The following TMED6 variants were observed in gnomAD, a reference collection of about 807,000 sequenced individuals.
TMED6 encodes the protein transmembrane emp24 domain-containing protein 6.
A neutral mutation model predicts 26.5 loss-of-function variants in TMED6; 17 were observed. The ratio of observed to expected loss-of-function variants is 0.64; its 90% CI spans 0.44 to 0.96. The LOEUF is 0.96. TMED6 is among the 40% of genes least tolerant of loss of function. The probability of loss-of-function intolerance (pLI) is 0.00; values close to 1 mark genes in which losing one functional copy is unlikely to be tolerated. For missense variants in TMED6, 309 were observed against 296.5 expected (o/e 1.04, Z -0.31); for synonymous variants, 107 against 106.2 (o/e 1.01, Z -0.04).
rs1398778639 is a variant in TMED6, at chr16:69,343,487, A to G, written c.643T>C (p.Ser215Pro). 1 of 1,614,212 alleles carries G rather than the reference A, an allele frequency of 6.2e-7. No individual in the cohort carries two copies. Among genetic ancestry groups the G allele is most frequent in the Non-Finnish European group, 8.5e-7 (1 of 1,180,044 alleles). ...AAGAAATACAGTTGCAGGATCCCAG[A>G]AAGAATAATAACAAGGCTCTGGGCT... ...STAQSLVIIL[S>P]GILQLYFLKR... The change falls in exon 4 of 4, where the codon TCT becomes CCT. Residue 215 changes from serine to proline, a missense_variant. Coordinates refer to ENST00000288025, the MANE Select transcript of TMED6 (RefSeq NM_144676.4).
At chr16:69,351,300 G>A (rs928241145) in intron 1 of TMED6, among the ~76,000 whole-genome samples, 3 of 152,114 alleles carry the variant, frequency 2.0e-5, no homozygotes, top group East Asian at 1.9e-4. Context: ...GAGGCACCCC[G>A]TCTGCCCCAT....
chr16:69,351,469 C>T (rs1255978779), intron 1 of TMED6, 72 bp downstream of exon 1: 2 of 1,489,144 alleles, frequency 1.3e-6, no homozygotes, highest in Non-Finnish European at 1.8e-6. Flanking sequence ...TTGTTTTGGC[C>T]TAAAACCTGA....
Position 69,343,506 on chromosome 16 carries a change from C to T in TMED6, c.624G>A (p.Gln208=), listed in dbSNP as rs776840601. 15 of 1,614,024 alleles carry T rather than the reference C, an allele frequency of 9.3e-6. No individual in the cohort carries two copies. In the Admixed American group the frequency reaches 2.5e-4, roughly 27 times the overall value. Residue 208 remains glutamine (Q), a synonymous_variant, in exon 4 of 4, where the codon CAG becomes CAA. Transcript: ENST00000288025. ...YNYVNWWSTA[Q]SLVIILSGIL... Reference sequence around the variant, plus strand: ...TCCCAGAAAGAATAATAACAAGGCTCTGGGCTGTCGACCACCAGTTCACGT... The same window carrying T: ...TCCCAGAAAGAATAATAACAAGGCTTTGGGCTGTCGACCACCAGTTCACGT...
At chr16:69,347,532 G>A (rs1405782505) in intron 3 of TMED6, among the ~76,000 whole-genome samples, 4 of 152,112 alleles carry the variant, frequency 2.6e-5, no homozygotes, top group Non-Finnish European at 5.9e-5. Context: ...GCTAATTTTT[G>A]TATTTTTAGT....
At chr16:69,346,511 C>G (rs530492567) in intron 3 of TMED6, among the ~76,000 whole-genome samples, 2 of 152,316 alleles carry the variant, frequency 1.3e-5, no homozygotes, top group East Asian at 3.9e-4. Flanking sequence ...TACCTGTAAT[C>G]CCAGCACTTT....
intron 3 of TMED6, among the ~76,000 whole-genome samples, chr16:69,345,969 C>A (rs1311284105): frequency 6.6e-6 from 1 of 152,160 alleles, no homozygotes; most frequent in African/African-American, 2.4e-5. Flanking sequence ...GTTGGGCCAA[C>A]TGGCCTGGCC....
chr16:69,343,601 A>C lies in TMED6; in HGVS notation c.529T>G (p.Trp177Gly). Residue 177 changes from tryptophan to glycine, a missense_variant, in exon 4 of 4, where the codon TGG becomes GGG. By Grantham distance (184) the Trp-to-Gly change is radical (BLOSUM62 -2). Coordinates refer to ENST00000288025, the MANE Select transcript of TMED6 (RefSeq NM_144676.4). Reference protein sequence around the residue: ...QKVQNNIFHMWRYYNFARMRK... With the variant: ...QKVQNNIFHMGRYYNFARMRK... ...ATCCGGGCAAAGTTGTAGTATCGCC[A>C]CATGTGAAAGATATTGTTCTGCACC... is the stretch of plus-strand genomic sequence containing the variant. 1.2e-6 allele frequency: 2 copies of C among 1,614,218 alleles called. No individual in the cohort carries two copies. Among genetic ancestry groups the C allele is most frequent in the Non-Finnish European group, 1.7e-6 (2 of 1,180,044 alleles).
chr16:69,347,939 G>T lies in TMED6; in HGVS notation c.341-3C>A. 1 of 1,613,760 alleles carries T rather than the reference G, an allele frequency of 6.2e-7. No individual in the cohort carries two copies. Among genetic ancestry groups the T allele is most frequent in the Non-Finnish European group, 8.5e-7 (1 of 1,179,850 alleles). ...ACTTAGACAAAGCTGATAAAAACCT[G>T]TAGGAATTCTTAGATCATTACCAAG... On this transcript the variant is annotated splice_region_variant and splice_polypyrimidine_tract_variant and intron_variant, in intron 2 of 3. Transcript: ENST00000288025.
chr16:69,351,043 A>G (rs1042677074), intron 1 of TMED6, among the ~76,000 whole-genome samples: 21 of 152,212 alleles, frequency 1.4e-4, no homozygotes, highest in Non-Finnish European at 2.9e-5. Context: ...CGTCCTAAAA[A>G]AAAAAAATAG....
intron 3 of TMED6, among the ~76,000 whole-genome samples, chr16:69,345,516 C>T (rs140599558): frequency 6.6e-6 from 1 of 151,464 alleles, no homozygotes; most frequent in Non-Finnish European, 1.5e-5. Context: ...ACCCCCGTCT[C>T]TACTAAAAAT....
In TMED6 at chr16:69,343,527, C is replaced by T. The variant is rs750196615; in HGVS notation, c.603G>A (p.Val201=). ...FFLIQSNYNY[V]NWWSTAQSLV... is the part of the protein sequence containing the mutation. ...GGCTCTGGGCTGTCGACCACCAGTT[C>T]ACGTAGTTATAGTTTGATTGGATAA... Residue 201 remains valine, a synonymous_variant, in exon 4 of 4, where the codon GTG becomes GTA. Transcript: ENST00000288025. The T allele has an allele frequency of 1.1e-5, 17 of 1,614,142 alleles. No individual in the cohort carries two copies. The South Asian group carries it at 1.6e-4, about 16-fold the overall frequency.
intron 3 of TMED6, among the ~76,000 whole-genome samples, chr16:69,347,295 T>G (rs1383476845): frequency 6.6e-6 from 1 of 152,242 alleles, no homozygotes; most frequent in Non-Finnish European, 1.5e-5. Flanking sequence ...GGGCCAGATT[T>G]GGCCTGTCAG....
intron 3 of TMED6, among the ~76,000 whole-genome samples, chr16:69,344,224 GTTACCA>G (rs930132027): frequency 6.6e-6 from 1 of 152,104 alleles, no homozygotes; most frequent in Admixed American, 6.6e-5. Context: ...TCAGCATGTC[GTTACCA>G]TTCCAGGTGA....
chr16:69,343,499 C>G lies in TMED6; in HGVS notation c.631G>C (p.Val211Leu). 1.2e-6 allele frequency: 2 copies of G among 1,614,120 alleles called. No homozygotes were observed. Among genetic ancestry groups the G allele is most frequent in the African/African-American group, 1.3e-5 (1 of 75,028 alleles). ...TGCAGGATCCCAGAAAGAATAATAA[C>G]AAGGCTCTGGGCTGTCGACCACCAG... ...VNWWSTAQSL[V>L]IILSGILQLY... Residue 211 changes from valine (V) to leucine (L), a missense_variant, in exon 4 of 4, where the codon GTT becomes CTT. By Grantham distance (32) the Val-to-Leu change is conservative (BLOSUM62 1). Transcript: ENST00000288025.
In TMED6 at chr16:69,351,527, A is replaced by T; in HGVS notation, c.213+14T>A. 1 of 1,612,318 alleles carries T rather than the reference A, an allele frequency of 6.2e-7. No homozygotes were observed. Among genetic ancestry groups the T allele is most frequent in the Non-Finnish European group, 8.5e-7 (1 of 1,178,594 alleles). The stretch of plus-strand genomic sequence containing the variant: ...AAAAAAAAAGCCCCCCAGTATGGCC[A>T]GTCACCCACATACCTCGTAACTGAA... On this transcript the variant is annotated intron_variant, in intron 1 of 3. Transcript: ENST00000288025.
At chr16:69,343,757 G>A in intron 3 of TMED6, 117 bp from the exon 4 acceptor site, 1 of 767,854 alleles carries the variant, frequency 1.3e-6, no homozygotes, top group Admixed American at 2.4e-5. Context: ...ATTTTAAGAT[G>A]TACAATACAA....
chr16:69,344,165 G>A (rs111916682), intron 3 of TMED6, among the ~76,000 whole-genome samples: 4 of 152,208 alleles, frequency 2.6e-5, no homozygotes, highest in African/African-American at 7.2e-5. Context: ...GAAAACTTCA[G>A]TACTCAAACT....
intron 2 of TMED6, among the ~76,000 whole-genome samples, chr16:69,349,319 T>A (rs1327803862): frequency 1.3e-5 from 2 of 152,214 alleles, no homozygotes; most frequent in Non-Finnish European, 2.9e-5. Flanking sequence ...AGACTTAGAA[T>A]GCTCACCTGG....
At chr16:69,348,000 G>C in intron 2 of TMED6, 64 bp from the exon 3 acceptor site, 1 of 1,564,474 alleles carries the variant, frequency 6.4e-7, no homozygotes, top group Middle Eastern at 1.7e-4. Context: ...GGATTCCCTG[G>C]AGGTATCTGT....
Sources: allele counts gnomAD v4.1 joint callset (sites outside exome capture counted in the v4.1 genomes callset), GRCh38; gene constraint gnomAD v4.1.1; transcripts MANE v1.5; gene names NCBI Gene and HGNC (gene_info 2026-07-23, HGNC 2026-07-21).